The following NFE2L1 variants were observed in gnomAD, a reference collection of about 807,000 sequenced individuals.
The protein encoded by NFE2L1 is endoplasmic reticulum membrane sensor NFE2L1.
A neutral mutation model predicts 61.6 loss-of-function variants in NFE2L1; 18 were observed. That is an observed-to-expected ratio of 0.29 (90% CI 0.20 to 0.43). NFE2L1 has a LOEUF of 0.43. Ranked by LOEUF, NFE2L1 falls within the 20% of genes least tolerant of loss-of-function variation. The probability of loss-of-function intolerance (pLI) is 1.00; values close to 1 mark genes in which losing one functional copy is unlikely to be tolerated. For synonymous variants in NFE2L1, 419 were observed against 402.7 expected (o/e 1.04, Z -0.48); for missense variants, 827 against 973.5 (o/e 0.85, Z 2.00).
chr17:48,058,216 T>C (rs557896971), intron 5 of NFE2L1, 79 bp from the exon 6 acceptor site: 56 of 1,502,310 alleles, frequency 3.7e-5, no homozygotes, highest in Non-Finnish European at 4.6e-5. Flanking sequence ...GCTGTGCCTC[T>C]GTTGGGTGCC....
intron 3 of NFE2L1, among the ~76,000 whole-genome samples, 178 bp downstream of exon 3, chr17:48,056,776 G>A (rs1421321123): frequency 1.3e-5 from 2 of 152,238 alleles, no homozygotes; most frequent in Non-Finnish European, 2.9e-5. Context: ...GAAGGGGGGA[G>A]TGGAAAGCAG....
chr17:48,052,885 C>T (rs548598752), intron 2 of NFE2L1, among the ~76,000 whole-genome samples: 55 of 152,258 alleles, frequency 3.6e-4, no homozygotes, highest in African/African-American at 1.3e-3. Flanking sequence ...TTGAGACACT[C>T]GGCTCTGTGC....
intron 2 of NFE2L1, chr17:48,054,997 C>G: frequency 2.7e-6 from 4 of 1,508,984 alleles, no homozygotes; most frequent in Non-Finnish European, 3.5e-6. Context: ...CACCGGCTGC[C>G]CTGGGGCTCA....
intron 2 of NFE2L1, among the ~76,000 whole-genome samples, chr17:48,052,704 C>T (rs1328944208): frequency 2.0e-5 from 3 of 152,046 alleles, no homozygotes; most frequent in Admixed American, 6.6e-5. Flanking sequence ...ATTTTGTCCC[C>T]GAGGGTGCAG....
At chr17:48,057,234 G>C in intron 4 of NFE2L1, 110 bp from the exon 5 acceptor site, 2 of 1,587,606 alleles carry the variant, frequency 1.3e-6, no homozygotes, top group South Asian at 2.3e-5. Flanking sequence ...TGGCTGCTGG[G>C]GGTAAATGCA....
At chr17:48,054,610 GTGGGGAT>G (rs1286209046) in intron 2 of NFE2L1, 1 of 1,231,484 alleles carries the variant, frequency 8.1e-7, no homozygotes, top group Non-Finnish European at 1.0e-6. Flanking sequence ...GTGGGAGGGG[GTGGGGAT>G]TGGCTCCCTG....
intron 1 of NFE2L1, 65 bp from the exon 2 acceptor site, chr17:48,050,542 C>G (rs1424842428): frequency 4.9e-6 from 2 of 404,574 alleles, no homozygotes; most frequent in Non-Finnish European, 8.7e-6. Flanking sequence ...GAAGGTTTTC[C>G]TACCCTGATC....
chr17:48,059,944 C>T lies in NFE2L1; in HGVS notation c.*303C>T, dbSNP rs912066127. On this transcript the variant is annotated 3_prime_UTR_variant, in exon 6 of 6. Coordinates refer to ENST00000362042, the MANE Select transcript of NFE2L1 (RefSeq NM_003204.3). This position sits in a 1 kb window ranked among gnomAD's most constrained non-coding sequence, Gnocchi z 6.1. ...TAGAGGAGCTATGTGGAGCAAAGGC[C>T]GACAGAGGGGAAGGAATGGACCTGT... 8 of 327,514 alleles carry T rather than the reference C, an allele frequency of 2.4e-5. No individual in the cohort carries two copies. The highest frequency in any genetic ancestry group is 1.8e-4 in the African/African-American group (8 of 45,058). 20.3% of individuals were successfully genotyped at this position (327,514 alleles called of 1,614,324 possible).
At position 48,059,590 on chromosome 17, in the gene NFE2L1, C is replaced by T. The variant is rs143499120; in HGVS notation, c.2268C>T (p.Ala756=). 7.2e-3 allele frequency: 11,515 copies of T among 1,588,494 alleles called. 163 individuals carry two copies. Among genetic ancestry groups the T allele is most frequent in the Non-Finnish European group, 6.0e-3 (6,951 of 1,164,390 alleles). ...TCCTCCTCATCCCCCGCACGATGGC[C>T]GACCAGCAGGCCCGGCGGCAGGAGA... ...GSVLLIPRTM[A]DQQARRQERK... The change falls in exon 6 of 6, where the codon GCC becomes GCT. Residue 756 remains alanine, a synonymous_variant. Transcript: ENST00000362042. The surrounding 1 kb of genome is among the most constrained non-coding windows in gnomAD (Gnocchi z 6.1).
At position 48,058,645 on chromosome 17, in the gene NFE2L1, G is replaced by C. The variant is rs377464826; in HGVS notation, c.1323G>C (p.Leu441=). The C allele has an allele frequency of 6.2e-7, 1 of 1,614,110 alleles. No homozygotes were observed. The highest frequency in any genetic ancestry group is 8.5e-7 in the Non-Finnish European group (1 of 1,180,052). The change falls in exon 6 of 6, where the codon CTG becomes CTC. Residue 441 remains leucine, a synonymous_variant. Transcript: ENST00000362042. ...GPELPDPLGG[L]LDEAMLDEIS... ...AGCTGCCTGACCCTTTGGGGGGTCT[G>C]TTAGATGAAGCTATGTTGGATGAGA...
At position 48,059,490 on chromosome 17, in the gene NFE2L1, G is replaced by A. The variant is rs377140290; in HGVS notation, c.2168G>A (p.Gly723Glu). Reference sequence around the variant, plus strand: ...CAGAGCCTGTACCAGGAGGTGTTTGGGCGGCTGCGAGATGAGAACGGACGA... The same window carrying A: ...CAGAGCCTGTACCAGGAGGTGTTTGAGCGGCTGCGAGATGAGAACGGACGA... ...KVQSLYQEVF[G>E]RLRDENGRPY... is the part of the protein sequence containing the mutation. The change falls in exon 6 of 6, where the codon GGG becomes GAG. Residue 723 changes from glycine to glutamate, a missense_variant. This residue lies in a region of NFE2L1 where 86 missense variants were observed against 97.3 expected (regional missense o/e 0.88). Transcript: ENST00000362042. This position sits in a 1 kb window ranked among gnomAD's most constrained non-coding sequence, Gnocchi z 6.1. 3.7e-6 allele frequency: 6 copies of A among 1,613,952 alleles called. No individual in the cohort carries two copies. Among genetic ancestry groups the A allele is most frequent in the Non-Finnish European group, 5.1e-6 (6 of 1,179,982 alleles).
Position 48,058,540 on chromosome 17 carries a change from C to T in NFE2L1, c.1218C>T (p.Ser406=). The change falls in exon 6 of 6, where the codon TCC becomes TCT. Residue 406 remains serine, a synonymous_variant. Coordinates refer to ENST00000362042, the MANE Select transcript of NFE2L1 (RefSeq NM_003204.3). ...LAPSNSTSLN[S]TFGSTNLTGL... ...CCAGCAATTCTACCAGCCTCAACTC[C>T]ACCTTCGGCTCCACCAACCTGACAG... The T allele has an allele frequency of 6.2e-7, 1 of 1,613,528 alleles. No homozygotes were observed. The highest frequency in any genetic ancestry group is 8.5e-7 in the Non-Finnish European group (1 of 1,179,642).
In NFE2L1 at chr17:48,059,567, C is replaced by T. The variant is rs758423624; in HGVS notation, c.2245C>T (p.Leu749Phe). Residue 749 changes from leucine (L) to phenylalanine (F), a missense_variant, in exon 6 of 6, where the codon CTC (leucine) becomes TTC (phenylalanine). Around this residue, in one of 3 missense-constraint regions of NFE2L1, gnomAD observed 86 missense variants for 97.3 expected, o/e 0.88. Coordinates refer to ENST00000362042, the MANE Select transcript of NFE2L1 (RefSeq NM_003204.3). The surrounding 1 kb of genome is among the most constrained non-coding windows in gnomAD (Gnocchi z 6.1). ...CCAGTACGCCGGGGACGGCAGTGTC[C>T]TCCTCATCCCCCGCACGATGGCCGA... is the stretch of plus-strand genomic sequence containing the variant. Reference protein sequence around the residue: ...ALQYAGDGSVLLIPRTMADQQ... With the variant: ...ALQYAGDGSVFLIPRTMADQQ... The T allele has an allele frequency of 8.2e-5, 132 of 1,606,452 alleles. No homozygotes were observed. Among genetic ancestry groups the T allele is most frequent in the Non-Finnish European group, 9.2e-5 (108 of 1,174,618 alleles).
chr17:48,056,958 A>C (rs2037417548), intron 3 of NFE2L1, 74 bp from the exon 4 acceptor site: 1 of 1,485,746 alleles, frequency 6.7e-7, no homozygotes, highest in Non-Finnish European at 9.3e-7. Context: ...GGCTTCAGCC[A>C]TTCTGGGAAA....
chr17:48,060,884 A>G lies in NFE2L1; in HGVS notation c.*1243A>G, dbSNP rs1190909876. On this transcript the variant is annotated 3_prime_UTR_variant, in exon 6 of 6. Transcript: ENST00000362042. ...AGGGTCTAGAATGCTTGTGTTGAGTAAAAAGGAGATGCCCAATATTCAAAG... is the reference window on the plus strand; with the variant it reads ...AGGGTCTAGAATGCTTGTGTTGAGTGAAAAGGAGATGCCCAATATTCAAAG... 1.3e-5 allele frequency: 2 copies of G among 152,648 alleles called. No homozygotes were observed. The highest frequency in any genetic ancestry group is 2.9e-5 in the Non-Finnish European group (2 of 68,044). 9.5% of individuals were successfully genotyped at this position (152,648 alleles called of 1,614,324 possible).
At chr17:48,056,320 C>T in intron 2 of NFE2L1, 66 bp from the exon 3 acceptor site, 1 of 1,594,150 alleles carries the variant, frequency 6.3e-7, no homozygotes, top group Non-Finnish European at 8.6e-7. Flanking sequence ...GGAGGGAACT[C>T]TGAGGGGCAG....
Position 48,059,350 on chromosome 17 carries a change from G to C in NFE2L1, c.2028G>C (p.Leu676=), listed in dbSNP as rs756457524. The change falls in exon 6 of 6, where the codon CTG becomes CTC. Residue 676 remains leucine (L), a synonymous_variant. Transcript: ENST00000362042. This position sits in a 1 kb window ranked among gnomAD's most constrained non-coding sequence, Gnocchi z 6.1. The stretch of plus-strand genomic sequence containing the variant: ...CGCAGAACTGCCGCAAGCGCAAGCT[G>C]GACACCATCCTGAATCTGGAGCGTG... The part of the protein sequence containing the change: ...MAAQNCRKRK[L]DTILNLERDV... The C allele has an allele frequency of 1.9e-6, 3 of 1,614,234 alleles. No homozygotes were observed. In the South Asian group the frequency reaches 3.3e-5, roughly 18 times the overall value.
intron 2 of NFE2L1, chr17:48,054,643 C>T: frequency 2.6e-6 from 3 of 1,147,024 alleles, no homozygotes; most frequent in Non-Finnish European, 2.1e-6. Flanking sequence ...GCCTAGGTAA[C>T]AAGTTTGGGG....
intron 2 of NFE2L1, chr17:48,054,463 C>A (rs1428466905): frequency 7.8e-6 from 4 of 511,640 alleles, no homozygotes; most frequent in Non-Finnish European, 1.1e-5. Context: ...GCATCTCCAG[C>A]GGAGACTTGG....
Sources: allele counts gnomAD v4.1 joint callset (sites outside exome capture counted in the v4.1 genomes callset), GRCh38; gene constraint gnomAD v4.1.1; regional missense constraint gnomAD v4.1.1; non-coding constraint Gnocchi (gnomAD v3.1); transcripts MANE v1.5; gene names NCBI Gene and HGNC (gene_info 2026-07-23, HGNC 2026-07-21).